The following GABRG3 variants were observed in gnomAD, a reference collection of about 807,000 sequenced individuals.
GABRG3 encodes gamma-aminobutyric acid receptor subunit gamma-3.
In GABRG3, 25 loss-of-function variants were observed where a neutral mutation model predicts 48.8. The observed-to-expected ratio is 0.51, with a 90% confidence interval of 0.37 to 0.72. The LOEUF is 0.72. GABRG3 is among the 30% of genes least tolerant of loss of function. The pLI, the probability that GABRG3 is intolerant of heterozygous loss-of-function variation, is 0.00. For missense variants in GABRG3, 394 were observed against 577.9 expected (o/e 0.68, Z 3.26); for synonymous variants, 227 against 217.6 (o/e 1.04, Z -0.38).
intron 3 of GABRG3, among the ~76,000 whole-genome samples, chr15:27,257,459 A>G (rs1371122599): frequency 6.6e-6 from 1 of 151,996 alleles, no homozygotes. Context: ...GCCCAGACCA[A>G]TGTCATGGAG....
intron 3 of GABRG3, among the ~76,000 whole-genome samples, chr15:27,209,467 C>T (rs371678177): frequency 4.3e-4 from 66 of 151,940 alleles, no homozygotes; most frequent in East Asian, 2.7e-3. Flanking sequence ...CCGGCCCGGC[C>T]GGTGCTTCTT....
chr15:27,161,202 T>C (rs1887175508), intron 3 of GABRG3: 1 of 152,214 alleles, frequency 6.6e-6, no homozygotes, highest in African/African-American at 2.4e-5. Flanking sequence ...TGTCAAAACC[T>C]ATGATGGTCT....
At chr15:27,039,596 A>G (rs1358833795) in intron 3 of GABRG3, among the ~76,000 whole-genome samples, 1 of 152,200 alleles carries the variant, frequency 6.6e-6, no homozygotes, top group East Asian at 1.9e-4. Context: ...AGTGCTTCAC[A>G]GCATCATTTG....
At chr15:27,102,200 C>T (rs1897373369) in intron 3 of GABRG3, among the ~76,000 whole-genome samples, 1 of 152,160 alleles carries the variant, frequency 6.6e-6, no homozygotes, top group South Asian at 2.1e-4. Context: ...ATGTTAGGAG[C>T]TGGGAGAGCT....
chr15:27,090,032 C>T (rs568249054), intron 3 of GABRG3, among the ~76,000 whole-genome samples: 61 of 152,294 alleles, frequency 4.0e-4, no homozygotes, highest in Middle Eastern at 3.4e-3. Context: ...TTTGTTTGAA[C>T]ACCTGTTTTC....
At chr15:27,167,898 A>G (rs551521915) in intron 3 of GABRG3, among the ~76,000 whole-genome samples, 59 of 152,186 alleles carry the variant, frequency 3.9e-4, no homozygotes, top group Non-Finnish European at 6.8e-4. Flanking sequence ...GTTACCCTGC[A>G]CAGTGTGCAG....
rs1315784088 is a variant in GABRG3 at position 27,352,465 on chromosome 15, C to G, written c.574+23577C>G. The stretch of plus-strand genomic sequence containing the variant: ...AGGGTGAGCCAAGCAGATTGATAGT[C>G]TTCTAATTAGTACGAAAAAGATTCG... On this transcript the variant is annotated intron_variant, in intron 5 of 9. Coordinates refer to ENST00000615808, the MANE Select transcript of GABRG3 (RefSeq NM_033223.5). This position sits in a 1 kb window ranked among gnomAD's most constrained non-coding sequence, Gnocchi z 4.0. Among the ~76,000 whole-genome samples, 1 of 152,038 alleles carries G rather than the reference C, an allele frequency of 6.6e-6. No homozygotes were observed. Among genetic ancestry groups the G allele is most frequent in the African/African-American group, 2.4e-5 (1 of 41,368 alleles).
intron 3 of GABRG3, among the ~76,000 whole-genome samples, chr15:27,229,884 C>CT (rs1424565859): frequency 2.6e-5 from 4 of 151,982 alleles, no homozygotes; most frequent in South Asian, 4.2e-4. Context: ...TATTCAGGCT[C>CT]TTTTTTTGGT....
rs149672782 is a variant in GABRG3, at chr15:27,398,963, G to A, written c.574+70075G>A. Among the ~76,000 whole-genome samples the A allele has an allele frequency of 4.6e-3, 700 of 152,246 alleles. 6 individuals carry two copies. Among genetic ancestry groups the A allele is most frequent in the African/African-American group, 0.016 (656 of 41,534 alleles). ...GGCATGCCTGGACTCCTCACAGCAA[G>A]GCAGCAATCTGTTTTCTACATTGTG... On this transcript the variant is annotated intron_variant, in intron 5 of 9. Coordinates refer to ENST00000615808, the MANE Select transcript of GABRG3 (RefSeq NM_033223.5).
At chr15:27,224,489 G>A (rs1454665) in intron 3 of GABRG3, among the ~76,000 whole-genome samples, 95,675 of 152,032 alleles carry the variant, frequency 0.63, 32,593 homozygotes, top group African/African-American at 0.91. Context: ...TGCACTGGCA[G>A]TGCTGGCTGA....
At chr15:27,203,417 T>A (rs1254652027) in intron 3 of GABRG3, among the ~76,000 whole-genome samples, 3 of 152,224 alleles carry the variant, frequency 2.0e-5, no homozygotes, top group Non-Finnish European at 4.4e-5. Flanking sequence ...GATATGTATG[T>A]ACCACTTTTT....
At chr15:27,081,824 G>A (rs896990844) in intron 3 of GABRG3, among the ~76,000 whole-genome samples, 1 of 152,184 alleles carries the variant, frequency 6.6e-6, no homozygotes, top group East Asian at 1.9e-4. Context: ...TGCTTTTCCC[G>A]TATGGGTATG....
intron 5 of GABRG3, among the ~76,000 whole-genome samples, chr15:27,359,716 G>T (rs1345043869): frequency 6.6e-6 from 1 of 152,188 alleles, no homozygotes; most frequent in African/African-American, 2.4e-5. Flanking sequence ...AGTCGCCGTA[G>T]GCAAATGGCA....
At chr15:27,214,896 CTG>C (rs1401501038) in intron 3 of GABRG3, among the ~76,000 whole-genome samples, 2 of 152,148 alleles carry the variant, frequency 1.3e-5, no homozygotes, top group African/African-American at 4.8e-5. Context: ...GAAAAACAAA[CTG>C]AAACATAGCA....
chr15:27,313,795 A>G (rs1893113571), intron 3 of GABRG3, among the ~76,000 whole-genome samples: 1 of 152,144 alleles, frequency 6.6e-6, no homozygotes, highest in African/African-American at 2.4e-5. Flanking sequence ...AAAGCATAAC[A>G]TACCAATACT....
At chr15:27,018,355 G>C (rs1477141776) in intron 2 of GABRG3, among the ~76,000 whole-genome samples, 1 of 152,174 alleles carries the variant, frequency 6.6e-6, no homozygotes, top group Admixed American at 6.5e-5. Context: ...TTGTGGTTCT[G>C]AACTTAACAC....
At chr15:27,390,115 A>T (rs1287396298) in intron 5 of GABRG3, among the ~76,000 whole-genome samples, 1 of 152,260 alleles carries the variant, frequency 6.6e-6, no homozygotes, top group East Asian at 1.9e-4. Context: ...ATTCAAATGC[A>T]CATTATGATA....
intron 3 of GABRG3, among the ~76,000 whole-genome samples, chr15:27,318,663 A>T (rs555454336): frequency 4.5e-4 from 69 of 152,154 alleles, no homozygotes; most frequent in African/African-American, 1.6e-3. Flanking sequence ...TTTTTCCTGG[A>T]GGGAATTCAG....
intron 5 of GABRG3, among the ~76,000 whole-genome samples, chr15:27,351,094 A>G (rs563744562): frequency 0.014 from 1,851 of 131,290 alleles, 36 homozygotes; most frequent in African/African-American, 0.051. Context: ...TAGTGTGTGT[A>G]TGGTGTGTGT....
Sources: gnomAD v4.1 joint callset for allele counts (sites outside exome capture counted in the v4.1 genomes callset) on GRCh38, gnomAD v4.1.1 for gene constraint, Gnocchi (gnomAD v3.1) non-coding constraint, MANE v1.5 for transcripts, NCBI Gene and HGNC (gene_info 2026-07-23, HGNC 2026-07-21) for gene names.